Variants in C9orf72 observed in about 807,000 individuals in gnomAD.
C9orf72 encodes C9orf72-SMCR8 complex subunit, also known as guanine nucleotide exchange factor C9orf72.
Under a neutral mutation model 51.6 loss-of-function variants are expected in C9orf72, and 44 were observed. The ratio of observed to expected loss-of-function variants is 0.85; its 90% CI spans 0.67 to 1.10. The LOEUF (loss-of-function observed/expected upper bound fraction) is 1.10, where lower values mean the gene tolerates loss of function less well. C9orf72 is among the 50% of genes least tolerant of loss of function. The probability of loss-of-function intolerance (pLI) is 0.00; values close to 1 mark genes in which losing one functional copy is unlikely to be tolerated. For synonymous variants in C9orf72, 213 were observed against 194.2 expected (o/e 1.10, Z -0.81); for missense variants, 607 against 570.6 (o/e 1.06, Z -0.65).
chr9:27,565,156 G>C (rs1041731532), intron 3 of C9orf72, among the ~76,000 whole-genome samples: 3 of 152,068 alleles, frequency 2.0e-5, no homozygotes, highest in African/African-American at 7.2e-5. Flanking sequence ...GATACCTCAG[G>C]GGTACATATG....
rs1231777887 is a variant in C9orf72 at position 27,566,891 on chromosome 9, C to G, written c.230G>C (p.Ser77Thr). 1.2e-6 allele frequency: 2 copies of G among 1,614,014 alleles called. No individual in the cohort carries two copies. Among genetic ancestry groups the G allele is most frequent in the Non-Finnish European group, 1.7e-6 (2 of 1,179,918 alleles). The change falls in exon 2 of 11, where the codon AGT (serine) becomes ACT (threonine). Residue 77 changes from serine to threonine, a missense_variant. Physicochemically the swap from Ser to Thr is moderately conservative, Grantham distance 58. Coordinates refer to ENST00000380003, the MANE Select transcript of C9orf72 (RefSeq NM_018325.5). ...AAAAAACTTTACATCTATAGCACCACTCTCTGCATTTCGAAGGATTTCTCC... is the reference window on the plus strand; with the variant it reads ...AAAAAACTTTACATCTATAGCACCAGTCTCTGCATTTCGAAGGATTTCTCC... The part of the protein sequence containing the change: ...LNGEILRNAE[S>T]GAIDVKFFVL...
chr9:27,573,384 G>A (rs1043694569), intron 1 of C9orf72, 47 bp downstream of exon 1: 2 of 152,764 alleles, frequency 1.3e-5, no homozygotes, highest in Admixed American at 1.3e-4. Context: ...CTTCCCGGCA[G>A]CCGAACCCCA....
chr9:27,561,217 G>T (rs557835944), intron 5 of C9orf72: 7 of 1,040,360 alleles, frequency 6.7e-6, no homozygotes, highest in Non-Finnish European at 8.1e-6. Flanking sequence ...AAAAAGATCA[G>T]TATAAATATG....
At chr9:27,564,459 G>A (rs1330045324) in intron 3 of C9orf72, among the ~76,000 whole-genome samples, 2 of 152,146 alleles carry the variant, frequency 1.3e-5, no homozygotes, top group Admixed American at 6.5e-5. Flanking sequence ...GTGGGTTAGA[G>A]GGTGCTGAAA....
At chr9:27,572,924 C>G (rs570387185) in intron 1 of C9orf72, among the ~76,000 whole-genome samples, 8 of 152,208 alleles carry the variant, frequency 5.3e-5, no homozygotes, top group Non-Finnish European at 1.0e-4. Context: ...TCTCTAGAAG[C>G]TTGGGCTGAA....
At chr9:27,561,320 A>G in intron 5 of C9orf72, 1 of 1,222,772 alleles carries the variant, frequency 8.2e-7, no homozygotes, top group African/African-American at 1.6e-5. Context: ...AAGTAAAACA[A>G]GAAACCAGAA....
At chr9:27,559,872 A>G (rs1443792178) in intron 6 of C9orf72, 1 of 155,462 alleles carries the variant, frequency 6.4e-6, no homozygotes, top group African/African-American at 2.4e-5. Flanking sequence ...AACAAATAAC[A>G]TTTCTTTGGA....
chr9:27,555,336 G>C (rs918422633), intron 8 of C9orf72, among the ~76,000 whole-genome samples: 2 of 152,090 alleles, frequency 1.3e-5, no homozygotes, highest in Non-Finnish European at 1.5e-5. Flanking sequence ...GTATAAGGCT[G>C]GGGGTCCCTT....
Position 27,564,021 on chromosome 9 carries a change from A to G in C9orf72, c.504+1510T>C, listed in dbSNP as rs143406859. On this transcript the variant is annotated intron_variant, in intron 3 of 10. Coordinates refer to ENST00000380003, the MANE Select transcript of C9orf72 (RefSeq NM_018325.5). ...TTTGCAAGAACTCAATCAAAAGGCA[A>G]CTCCTCCTTTTCGGGAAGAATAATT... Among the ~76,000 whole-genome samples the G allele has an allele frequency of 2.7e-3, 403 of 151,978 alleles. 2 individuals are homozygous for G. The highest frequency in any genetic ancestry group is 9.0e-3 in the African/African-American group (375 of 41,444).
chr9:27,567,312 C>G, intron 1 of C9orf72, 148 bp from the exon 2 acceptor site: 1 of 595,918 alleles, frequency 1.7e-6, no homozygotes, highest in Non-Finnish European at 3.0e-6. Flanking sequence ...AGACATTCAA[C>G]TAGCACAGTA....
chr9:27,558,749 T>C (rs957324348), intron 6 of C9orf72, 142 bp from the exon 7 acceptor site: 5 of 545,850 alleles, frequency 9.2e-6, no homozygotes, highest in Non-Finnish European at 1.6e-5. Context: ...CTGGAATCCA[T>C]GGGATGTAAC....
intron 8 of C9orf72, among the ~76,000 whole-genome samples, chr9:27,553,497 T>C (rs1350262986): frequency 6.6e-6 from 1 of 152,148 alleles, no homozygotes; most frequent in African/African-American, 2.4e-5. Context: ...GCTGGGATAA[T>C]TGCTAGCCAT....
Position 27,562,504 on chromosome 9 carries a change from G to C in C9orf72, c.505-28C>G, listed in dbSNP as rs369357385. On this transcript the variant is annotated intron_variant, in intron 3 of 10. Transcript: ENST00000380003. ...GCACAATAAAGTGACATGAAGTGAA[G>C]AAAATCACGTAATATGAGAGAAGCT... The C allele has an allele frequency of 5.5e-5, 65 of 1,172,126 alleles. 1 individual carries two copies. The South Asian group carries it at 7.6e-4, about 14-fold the overall frequency. The allele number at this position is 1,172,126 out of a possible 1,614,324, so 72.6% of individuals were successfully genotyped here.
chr9:27,556,897 C>A (rs998661703), intron 7 of C9orf72, 101 bp from the exon 8 acceptor site: 2 of 780,036 alleles, frequency 2.6e-6, no homozygotes, highest in Non-Finnish European at 4.2e-6. Flanking sequence ...AAATCCATCT[C>A]TAAAAATTTA....
In C9orf72 at chr9:27,546,715, A is replaced by G. The variant is rs1820776259; in HGVS notation, c.*1521T>C. ...GTTAGCACTTAAATAAGAATCTACC[A>G]TGTAAAAAACACAGTATGGGACACT... On this transcript the variant is annotated 3_prime_UTR_variant, in exon 11 of 11. Transcript: ENST00000380003. 1 of 152,216 alleles carries G rather than the reference A, an allele frequency of 6.6e-6. No homozygotes were observed. Among genetic ancestry groups the G allele is most frequent in the Non-Finnish European group, 1.5e-5 (1 of 68,026 alleles). The allele number at this position is 152,216 out of a possible 1,614,324, so 9.4% of individuals were successfully genotyped here.
intron 3 of C9orf72, among the ~76,000 whole-genome samples, chr9:27,562,881 G>C (rs1464567192): frequency 6.6e-6 from 1 of 151,846 alleles, no homozygotes; most frequent in Non-Finnish European, 1.5e-5. Flanking sequence ...ATGTTGGCCA[G>C]GTTGGTGTCA....
At chr9:27,556,832 G>C in intron 7 of C9orf72, 36 bp from the exon 8 acceptor site, 2 of 1,303,732 alleles carry the variant, frequency 1.5e-6, no homozygotes, top group Non-Finnish European at 2.2e-6. Flanking sequence ...TGTCTTACAT[G>C]CCAAACGATA....
In C9orf72 at chr9:27,548,134, G is replaced by C; in HGVS notation, c.*102C>G. ...ACTTACTTAACTGCAATTGCTGAGA[G>C]CAGAATTCTGGAGTATGATCCAGGG... On this transcript the variant is annotated 3_prime_UTR_variant, in exon 11 of 11. Coordinates refer to ENST00000380003, the MANE Select transcript of C9orf72 (RefSeq NM_018325.5). The C allele has an allele frequency of 1.2e-6, 1 of 832,792 alleles. No homozygotes were observed. The highest frequency in any genetic ancestry group is 1.8e-6 in the Non-Finnish European group (1 of 545,410). 51.6% of individuals were successfully genotyped at this position (832,792 alleles called of 1,614,324 possible).
intron 6 of C9orf72, chr9:27,559,541 A>G (rs1261351834): frequency 6.6e-6 from 1 of 152,186 alleles, no homozygotes; most frequent in Admixed American, 6.5e-5. Flanking sequence ...ATATCTTTGT[A>G]AAGTATCATT....
Sources: gnomAD v4.1 joint callset for allele counts (sites outside exome capture counted in the v4.1 genomes callset) on GRCh38, gnomAD v4.1.1 for gene constraint, MANE v1.5 for transcripts, NCBI Gene and HGNC (gene_info 2026-07-23, HGNC 2026-07-21) for gene names.